The following MYH1 variants were observed in gnomAD, a reference collection of about 807,000 sequenced individuals.
MYH1 encodes myosin-1.
Under a neutral mutation model 225.6 loss-of-function variants are expected in MYH1, and 214 were observed. That is an observed-to-expected ratio of 0.95 (90% CI 0.85 to 1.06). The LOEUF (loss-of-function observed/expected upper bound fraction) is 1.06. Ranked by LOEUF, MYH1 falls within the 50% of genes least tolerant of loss-of-function variation. The probability of loss-of-function intolerance (pLI) is 0.00; values close to 1 mark genes in which losing one functional copy is unlikely to be tolerated. For missense variants in MYH1, 2,098 were observed against 2,344.2 expected, an observed-to-expected ratio of 0.89 and a Z score of 2.17; for synonymous variants, 774 against 842.3, an observed-to-expected ratio of 0.92 and a Z score of 1.40.
At chr17:10,515,368 C>G (rs1030615116) in intron 5 of MYH1, among the ~76,000 whole-genome samples, 1 of 152,100 alleles carries the variant, frequency 6.6e-6, no homozygotes, top group South Asian at 2.1e-4. Context: ...AGAGAGGATG[C>G]CTCAATCAAA....
intron 17 of MYH1, 108 bp from the exon 18 acceptor site, chr17:10,506,207 G>A: frequency 7.3e-7 from 1 of 1,369,152 alleles, no homozygotes; most frequent in Non-Finnish European, 1.0e-6. Flanking sequence ...CTAATGAATA[G>A]TATCCAGATG....
intron 33 of MYH1, 138 bp from the exon 34 acceptor site, chr17:10,496,687 T>C (rs956841315): frequency 4.5e-6 from 6 of 1,342,980 alleles, no homozygotes; most frequent in Middle Eastern, 1.9e-4. Flanking sequence ...AAGAGTGTCA[T>C]TTTCATGCCT....
At chr17:10,512,581 A>G (rs1567722333) in intron 11 of MYH1, 35 bp from the exon 12 acceptor site, 12 of 1,613,816 alleles carry the variant, frequency 7.4e-6, no homozygotes, top group Non-Finnish European at 9.3e-6. Flanking sequence ...AGATTAGGGC[A>G]CAAGAGAATT....
In MYH1 at chr17:10,498,753, C is replaced by T. The variant is rs1369639717; in HGVS notation, c.4054G>A (p.Glu1352Lys). 1.9e-6 allele frequency: 3 copies of T among 1,614,212 alleles called. No individual in the cohort carries two copies. The highest frequency in any genetic ancestry group is 2.7e-5 in the African/African-American group (2 of 75,058). Residue 1352 changes from glutamate to lysine, a missense_variant, in exon 30 of 40, where the codon GAG becomes AAG. Glu to Lys is a moderately conservative substitution (Grantham distance 56). Coordinates refer to ENST00000226207, the MANE Select transcript of MYH1 (RefSeq NM_005963.4). Reference protein sequence around the residue: ...HDCDLLREQYEEEQEAKAELQ... With the variant: ...HDCDLLREQYKEEQEAKAELQ... ...TCGGCCTTGGCTTCCTGCTCCTCCTCATACTGTTCCCGCAGCAGGTCACAG... is the reference window on the plus strand; with the variant it reads ...TCGGCCTTGGCTTCCTGCTCCTCCTTATACTGTTCCCGCAGCAGGTCACAG...
At chr17:10,494,825 C>G (rs1279526188) in intron 37 of MYH1, 106 bp downstream of exon 37, 1 of 1,597,186 alleles carries the variant, frequency 6.3e-7, no homozygotes, top group African/African-American at 1.3e-5. Flanking sequence ...GAGGGAATAG[C>G]TCTCCCTCAT....
At chr17:10,505,963 G>A in intron 18 of MYH1, 34 bp from the exon 19 acceptor site, 2 of 1,614,088 alleles carry the variant, frequency 1.2e-6, no homozygotes, top group Non-Finnish European at 1.7e-6. Flanking sequence ...ATACTTCGTG[G>A]TCTATCACAC....
intron 39 of MYH1, among the ~76,000 whole-genome samples, chr17:10,493,278 G>A (rs765855688): frequency 6.6e-6 from 1 of 152,184 alleles, no homozygotes; most frequent in Non-Finnish European, 1.5e-5. Context: ...CAATTTGTCC[G>A]AGGTATGGAC....
At position 10,518,513 on chromosome 17, in the gene MYH1, C is replaced by T. The variant is rs556412975; in HGVS notation, c.-72+7G>A. Reference sequence around the variant, plus strand: ...CCAGACAGAGCCCTGTCCTCACACACACTTACCTTGAAGCTTTATGAGGAG... The same window carrying T: ...CCAGACAGAGCCCTGTCCTCACACATACTTACCTTGAAGCTTTATGAGGAG... On this transcript the variant is annotated splice_region_variant and intron_variant, in intron 1 of 39. Coordinates refer to ENST00000226207, the MANE Select transcript of MYH1 (RefSeq NM_005963.4). 2 of 152,332 alleles carry T rather than the reference C, an allele frequency of 1.3e-5. No individual in the cohort carries two copies. The highest frequency in any genetic ancestry group is 4.8e-5 in the African/African-American group (2 of 41,580). The allele number at this position is 152,332 out of a possible 1,614,324, so 9.4% of individuals were successfully genotyped here. A position where few individuals can be genotyped will look rare whatever the true frequency, so the allele number is the denominator to read the frequency against.
At chr17:10,506,962 G>A (rs548101333) in intron 17 of MYH1, among the ~76,000 whole-genome samples, 7 of 152,294 alleles carry the variant, frequency 4.6e-5, no homozygotes, top group Admixed American at 2.6e-4. Context: ...GTTACCAAGC[G>A]TGTAAAGTTT....
At position 10,513,624 on chromosome 17, in the gene MYH1, A is replaced by G; in HGVS notation, c.805+2T>C. The G allele has an allele frequency of 1.9e-6, 3 of 1,613,654 alleles. No homozygotes were observed. The highest frequency in any genetic ancestry group is 1.7e-6 in the Non-Finnish European group (2 of 1,179,542). On this transcript the variant is annotated splice_donor_variant, in intron 9 of 39. Coordinates refer to ENST00000226207, the MANE Select transcript of MYH1 (RefSeq NM_005963.4). LOFTEE classifies it high-confidence loss of function. ...TTCTATTTAGGAGGTCCTGTTACTC[A>G]CATGTTTCAATATCAGCAGAAGCCA... is the stretch of plus-strand genomic sequence containing the variant.
In MYH1 at chr17:10,512,069, C is replaced by CT; in HGVS notation, c.1266+4dup. On this transcript the variant is annotated splice_donor_region_variant and intron_variant, in intron 13 of 39. Transcript: ENST00000226207. ...GTGTGTGATTCATTGAGGTCATGCA[C>CT]TTACCTGCTGCACAGTTTGACCTTT... 1 of 1,614,104 alleles carries CT rather than the reference C, an allele frequency of 6.2e-7. No homozygotes were observed. The highest frequency in any genetic ancestry group is 8.5e-7 in the Non-Finnish European group (1 of 1,179,942).
At chr17:10,509,230 T>G (rs957680912) in intron 15 of MYH1, among the ~76,000 whole-genome samples, 1 of 152,130 alleles carries the variant, frequency 6.6e-6, no homozygotes, top group African/African-American at 2.4e-5. Flanking sequence ...GTCAGTGCAC[T>G]TTTTGTAAGG....
intron 12 of MYH1, 107 bp downstream of exon 12, chr17:10,512,301 T>C: frequency 6.3e-7 from 1 of 1,592,876 alleles, no homozygotes; most frequent in Non-Finnish European, 8.6e-7. Flanking sequence ...TGTGGGTACA[T>C]CTGAGTATGT....
At chr17:10,513,508 G>T in intron 9 of MYH1, 118 bp downstream of exon 9, 1 of 985,524 alleles carries the variant, frequency 1.0e-6, no homozygotes, top group Non-Finnish European at 1.6e-6. Context: ...TTAACCACAA[G>T]CATGTTTGGC....
Position 10,505,042 on chromosome 17 carries a change from T to C in MYH1, c.2459A>G (p.Tyr820Cys). ...ERRESIFCIQ[Y>C]NVRAFMNVKH... Reference sequence around the variant, plus strand: ...CACATTCATGAAGGCACGGACATTGTACTGGATGCAGAAGATGGACTCTCT... The same window carrying C: ...CACATTCATGAAGGCACGGACATTGCACTGGATGCAGAAGATGGACTCTCT... Residue 820 changes from tyrosine to cysteine, a missense_variant, in exon 22 of 40, where the codon TAC becomes TGC. By Grantham distance (194) the Tyr-to-Cys change is radical (BLOSUM62 -2). Coordinates refer to ENST00000226207, the MANE Select transcript of MYH1 (RefSeq NM_005963.4). The C allele has an allele frequency of 6.2e-7, 1 of 1,614,172 alleles. No individual in the cohort carries two copies. The highest frequency in any genetic ancestry group is 8.5e-7 in the Non-Finnish European group (1 of 1,180,024).
rs756722508 is a variant in MYH1, at chr17:10,506,108, C to G, written c.1969-9G>C. ...AGCTTATTCAAATTCTCCTGTGGAA[C>G]CATGCGAGTTTATACTTTAAAAAAT... is the stretch of plus-strand genomic sequence containing the variant. On this transcript the variant is annotated splice_polypyrimidine_tract_variant and intron_variant, in intron 17 of 39. Coordinates refer to ENST00000226207, the MANE Select transcript of MYH1 (RefSeq NM_005963.4). 6.2e-7 allele frequency: 1 copy of G among 1,614,132 alleles called. No homozygotes were observed. The highest frequency in any genetic ancestry group is 8.5e-7 in the Non-Finnish European group (1 of 1,179,996).
rs771610502 is a variant in MYH1, at chr17:10,492,426, C to G, written c.5810G>C (p.Ser1937Thr). ...CAGCAGTTAGATAAATTACTCTTCACTTATGATTTTTGTGTGAACCTCCCT... is the reference window on the plus strand; with the variant it reads ...CAGCAGTTAGATAAATTACTCTTCAGTTATGATTTTTGTGTGAACCTCCCT... ...KSREVHTKIISEE is the reference protein window; with the variant it reads ...KSREVHTKIITEE The change falls in exon 40 of 40, where the codon AGT becomes ACT. Residue 1937 changes from serine (S) to threonine (T), a missense_variant. Coordinates refer to ENST00000226207, the MANE Select transcript of MYH1 (RefSeq NM_005963.4). The G allele has an allele frequency of 3.7e-6, 6 of 1,613,706 alleles. No individual in the cohort carries two copies. The African/African-American group carries it at 6.7e-5, about 18-fold the overall frequency.
chr17:10,512,587 G>T (rs755922993), intron 11 of MYH1, 41 bp from the exon 12 acceptor site: 4 of 1,613,556 alleles, frequency 2.5e-6, no homozygotes, highest in Admixed American at 1.7e-5. Flanking sequence ...GGGCACAAGA[G>T]AATTTATACT....
At chr17:10,513,001 A>T in intron 9 of MYH1, 36 bp from the exon 10 acceptor site, 1 of 1,419,984 alleles carries the variant, frequency 7.0e-7, no homozygotes. Flanking sequence ...TATGGGGAAA[A>T]ATTACACAAT....
Sources: gnomAD v4.1 joint callset for allele counts (sites outside exome capture counted in the v4.1 genomes callset) on GRCh38, gnomAD v4.1.1 for gene constraint, MANE v1.5 for transcripts, NCBI Gene and HGNC (gene_info 2026-07-23, HGNC 2026-07-21) for gene names.